The following PNMA8B variants were observed in gnomAD, a reference collection of about 807,000 sequenced individuals.
The protein encoded by PNMA8B is PNMA family member 8B.
For missense variants in PNMA8B, 887 were observed against 885.8 expected, an observed-to-expected ratio of 1.00 and a Z score of -0.02; for synonymous variants, 386 against 394.9, an observed-to-expected ratio of 0.98 and a Z score of 0.27.
rs1228096307 is a variant in PNMA8B at position 46,493,488 on chromosome 19, G to A, written c.*70C>T. 3.1e-6 allele frequency: 3 copies of A among 982,318 alleles called. No individual in the cohort carries two copies. Among genetic ancestry groups the A allele is most frequent in the Non-Finnish European group, 4.0e-6 (3 of 743,116 alleles). 60.9% of individuals were successfully genotyped at this position (982,318 alleles called of 1,614,324 possible). A position where few individuals can be genotyped will look rare whatever the true frequency, so the allele number is the denominator to read the frequency against. On this transcript the variant is annotated 3_prime_UTR_variant, in exon 1 of 1. Coordinates refer to ENST00000599531, the MANE Select transcript of PNMA8B (RefSeq NM_020709.3). This position sits in a 1 kb window ranked among gnomAD's most constrained non-coding sequence, Gnocchi z 5.3. ...GGAGGACAGGAAGAGGGGAGGGGAGGGCGGGGGCCACAGGCGGGCGGGTGC... is the reference window on the plus strand; with the variant it reads ...GGAGGACAGGAAGAGGGGAGGGGAGAGCGGGGGCCACAGGCGGGCGGGTGC...
At position 46,493,575 on chromosome 19, in the gene PNMA8B, G is replaced by A. The variant is rs1970037959; in HGVS notation, c.1891C>T (p.Pro631Ser). ...GKKARRGRRL[P>S]PKCR ...GGGGGCCACTAGCGGCATTTAGGGG[G>A]CAGCCTCCGGCCCCGACGGGCCTTC... The change falls in exon 1 of 1, where the codon CCC becomes TCC. Residue 631 changes from proline to serine, a missense_variant. By Grantham distance (74) the Pro-to-Ser change is moderately conservative. Coordinates refer to ENST00000599531, the MANE Select transcript of PNMA8B (RefSeq NM_020709.3). This position sits in a 1 kb window ranked among gnomAD's most constrained non-coding sequence, Gnocchi z 5.3. 1.4e-6 allele frequency: 2 copies of A among 1,444,376 alleles called. No homozygotes were observed. The highest frequency in any genetic ancestry group is 1.8e-6 in the Non-Finnish European group (2 of 1,106,892). 89.5% of individuals were successfully genotyped at this position (1,444,376 alleles called of 1,614,324 possible).
At position 46,494,610 on chromosome 19, in the gene PNMA8B, T is replaced by C; in HGVS notation, c.856A>G (p.Lys286Glu). ...GCCACTAAGTCGGGGACACCATTTTTGTCTTCTTTGGTGTTCAAGCGGATG... is the reference window on the plus strand; with the variant it reads ...GCCACTAAGTCGGGGACACCATTTTCGTCTTCTTTGGTGTTCAAGCGGATG... ...ESIRLNTKEDKNGVPDLVALL... is the reference protein window; with the variant it reads ...ESIRLNTKEDENGVPDLVALL... The change falls in exon 1 of 1, where the codon AAA (lysine) becomes GAA (glutamate). Residue 286 changes from lysine to glutamate, a missense_variant. Coordinates refer to ENST00000599531, the MANE Select transcript of PNMA8B (RefSeq NM_020709.3). 6.2e-7 allele frequency: 1 copy of C among 1,614,028 alleles called. No individual in the cohort carries two copies. The highest frequency in any genetic ancestry group is 1.1e-5 in the South Asian group (1 of 91,080).
chr19:46,494,783 TG>T lies in PNMA8B; in HGVS notation c.682del (p.Gln228ArgfsTer53). 1 of 1,613,780 alleles carries T rather than the reference TG, an allele frequency of 6.2e-7. No individual in the cohort carries two copies. The highest frequency in any genetic ancestry group is 8.5e-7 in the Non-Finnish European group (1 of 1,179,848). ...CCTAACCAGCTCCCTGGCAGCGGCCTGCAGCGTGGCGTACAGCGCGCTCTGG... is the reference window on the plus strand; with the variant it reads ...CCTAACCAGCTCCCTGGCAGCGGCCTCAGCGTGGCGTACAGCGCGCTCTGG... ...EDQSALYATL[Q>X]AAARELVRQW... On this transcript the variant is annotated frameshift_variant, in exon 1 of 1. Transcript: ENST00000599531. LOFTEE classifies it low-confidence loss of function (END_TRUNC).
At position 46,493,618 on chromosome 19, in the gene PNMA8B, G is replaced by A. The variant is rs372974181; in HGVS notation, c.1848C>T (p.Ser616=). The A allele has an allele frequency of 1.1e-5, 17 of 1,518,816 alleles. No individual in the cohort carries two copies. The highest frequency in any genetic ancestry group is 4.2e-5 in the Admixed American group (2 of 47,336). The allele number at this position is 1,518,816 out of a possible 1,614,324, so 94.1% of individuals were successfully genotyped here. A position where few individuals can be genotyped will look rare whatever the true frequency, so the allele number is the denominator to read the frequency against. Residue 616 remains serine, a synonymous_variant, in exon 1 of 1, where the codon TCC becomes TCT. Coordinates refer to ENST00000599531, the MANE Select transcript of PNMA8B (RefSeq NM_020709.3). The surrounding 1 kb of genome is among the most constrained non-coding windows in gnomAD (Gnocchi z 5.3). ...GEAKGQAPTG[S]KAARGKKARR... is the part of the protein sequence containing the mutation. ...GGGCCTTCTTCCCGCGCGCGGCCTT[G>A]GATCCAGTGGGCGCCTGGCCCTTGG... is the stretch of plus-strand genomic sequence containing the variant.
In PNMA8B at chr19:46,493,875, T is replaced by A; in HGVS notation, c.1591A>T (p.Arg531Trp). ...CGCGCCCTCTTGGCCCGGGGCTTCC[T>A]GGATGCCCTGTCCTCCGGCTCCGAC... ...EASEPEDRASRKPRAKRARTA... is the reference protein window; with the variant it reads ...EASEPEDRASWKPRAKRARTA... The change falls in exon 1 of 1, where the codon AGG becomes TGG. Residue 531 changes from arginine (R) to tryptophan (W), a missense_variant. Physicochemically the swap from Arg to Trp is moderately radical, Grantham distance 101. Coordinates refer to ENST00000599531, the MANE Select transcript of PNMA8B (RefSeq NM_020709.3). This position sits in a 1 kb window ranked among gnomAD's most constrained non-coding sequence, Gnocchi z 5.3. 6.5e-7 allele frequency: 1 copy of A among 1,535,658 alleles called. No homozygotes were observed. The highest frequency in any genetic ancestry group is 8.7e-7 in the Non-Finnish European group (1 of 1,144,286).
Position 46,495,042 on chromosome 19 carries a change from C to T in PNMA8B, c.424G>A (p.Glu142Lys). 2 of 1,610,688 alleles carry T rather than the reference C, an allele frequency of 1.2e-6. No individual in the cohort carries two copies. The highest frequency in any genetic ancestry group is 1.7e-6 in the Non-Finnish European group (2 of 1,179,822). The change falls in exon 1 of 1, where the codon GAG becomes AAG. Residue 142 changes from glutamate to lysine, a missense_variant. Physicochemically the swap from Glu to Lys is moderately conservative, Grantham distance 56 (BLOSUM62 1). Transcript: ENST00000599531. ...AGCGAGCCAGCCTGCCCTGTTACCT[C>T]CCCAGAATCCTGGGCCTGCGTCTCC... Reference protein sequence around the residue: ...ASETQAQDSGEVTGQAGSLLG... With the variant: ...ASETQAQDSGKVTGQAGSLLG...
rs1970064545 is a variant in PNMA8B, at chr19:46,494,705, A to G, written c.761T>C (p.Leu254Ser). The change falls in exon 1 of 1, where the codon TTG (leucine) becomes TCG (serine). Residue 254 changes from leucine (L) to serine (S), a missense_variant. Physicochemically the swap from Leu to Ser is moderately radical, Grantham distance 145. Transcript: ENST00000599531. ...EGEEDGPREF[L>S]ALVTVTDKSK... is the part of the protein sequence containing the mutation. The stretch of plus-strand genomic sequence containing the variant: ...TTTGTCGGTGACGGTGACCAGAGCC[A>G]AGAACTCGCGGGGACCGTCTTCTTC... The G allele has an allele frequency of 1.2e-6, 2 of 1,614,028 alleles. No individual in the cohort carries two copies. Among genetic ancestry groups the G allele is most frequent in the African/African-American group, 2.7e-5 (2 of 75,058 alleles).
chr19:46,493,583 C>T lies in PNMA8B; in HGVS notation c.1883G>A (p.Arg628Gln). The T allele has an allele frequency of 6.8e-7, 1 of 1,464,768 alleles. No individual in the cohort carries two copies. Among genetic ancestry groups the T allele is most frequent in the Non-Finnish European group, 8.9e-7 (1 of 1,117,668 alleles). 90.7% of individuals were successfully genotyped at this position (1,464,768 alleles called of 1,614,324 possible). ...AARGKKARRG[R>Q]RLPPKCR ...CTAGCGGCATTTAGGGGGCAGCCTCCGGCCCCGACGGGCCTTCTTCCCGCG... is the reference window on the plus strand; with the variant it reads ...CTAGCGGCATTTAGGGGGCAGCCTCTGGCCCCGACGGGCCTTCTTCCCGCG... Residue 628 changes from arginine (R) to glutamine (Q), a missense_variant, in exon 1 of 1, where the codon CGG becomes CAG. By Grantham distance (43) the Arg-to-Gln change is conservative. Coordinates refer to ENST00000599531, the MANE Select transcript of PNMA8B (RefSeq NM_020709.3). The surrounding 1 kb of genome is among the most constrained non-coding windows in gnomAD (Gnocchi z 5.3).
At position 46,495,589 on chromosome 19, in the gene PNMA8B, G is replaced by C; in HGVS notation, c.-124C>G. 3.0e-6 allele frequency: 4 copies of C among 1,316,528 alleles called. No individual in the cohort carries two copies. Among genetic ancestry groups the C allele is most frequent in the Non-Finnish European group, 4.1e-6 (4 of 979,514 alleles). 81.6% of individuals were successfully genotyped at this position (1,316,528 alleles called of 1,614,324 possible). The stretch of plus-strand genomic sequence containing the variant: ...CAGGGCTTAGAGTCCCGGTTCCGGT[G>C]AATGTGGCAAGGCTGGAGTGGGGCT... On this transcript the variant is annotated 5_prime_UTR_variant, in exon 1 of 1. Coordinates refer to ENST00000599531, the MANE Select transcript of PNMA8B (RefSeq NM_020709.3).
Position 46,493,894 on chromosome 19 carries a change from C to T in PNMA8B, c.1572G>A (p.Glu524=), listed in dbSNP as rs551063520. The T allele has an allele frequency of 6.1e-5, 95 of 1,562,352 alleles. 1 individual carries two copies. The South Asian group carries it at 1.0e-3, about 17-fold the overall frequency. The change falls in exon 1 of 1, where the codon GAG becomes GAA. Residue 524 remains glutamate, a synonymous_variant. Transcript: ENST00000599531. This position sits in a 1 kb window ranked among gnomAD's most constrained non-coding sequence, Gnocchi z 5.3. ...ESEDTESEAS[E]PEDRASRKPR... is the part of the protein sequence containing the mutation. ...GCTTCCTGGATGCCCTGTCCTCCGG[C>T]TCCGACGCCTCGCTCTCGGTGTCCT...
rs749375279 is a variant in PNMA8B, at chr19:46,494,041, C to T, written c.1425G>A (p.Gly475=). ...KEEKENAWEG[G]KYKYPKGKLG... ...GTTTGCCTTTGGGGTATTTGTACTT[C>T]CCGCCTTCCCAGGCGTTTTCTTTTT... Residue 475 remains glycine (G), a synonymous_variant, in exon 1 of 1, where the codon GGG becomes GGA. Transcript: ENST00000599531. 1.9e-6 allele frequency: 3 copies of T among 1,613,540 alleles called. No individual in the cohort carries two copies. Among genetic ancestry groups the T allele is most frequent in the Non-Finnish European group, 8.5e-7 (1 of 1,179,862 alleles).
In PNMA8B at chr19:46,495,298, A is replaced by C. The variant is rs777293618; in HGVS notation, c.168T>G (p.Ala56=). 1.4e-6 allele frequency: 2 copies of C among 1,418,542 alleles called. No homozygotes were observed. The highest frequency in any genetic ancestry group is 2.0e-6 in the Non-Finnish European group (2 of 1,001,190). 87.9% of individuals were successfully genotyped at this position (1,418,542 alleles called of 1,614,324 possible). A position where few individuals can be genotyped will look rare whatever the true frequency, so the allele number is the denominator to read the frequency against. Residue 56 remains alanine (A), a synonymous_variant, in exon 1 of 1, where the codon GCT becomes GCG. Coordinates refer to ENST00000599531, the MANE Select transcript of PNMA8B (RefSeq NM_020709.3). ...CGGCCTGGGCCTTCTCGTTCATCAA[A>C]GCCTTCATGTGTCGCAACCTGAACG... ...LGTFRLRHMK[A]LMNEKAQAAL...
chr19:46,494,508 C>T lies in PNMA8B; in HGVS notation c.958G>A (p.Gly320Arg), dbSNP rs376336196. The stretch of plus-strand genomic sequence containing the variant: ...TCCAACTCCTCTGTTTCTTGGTCCC[C>T]ACTTTCCTGCGAGTCGCTCTCCGAA... ...DTSESDSQES[G>R]DQETEELDNP... The change falls in exon 1 of 1, where the codon GGG (glycine) becomes AGG (arginine). Residue 320 changes from glycine (G) to arginine (R), a missense_variant. Coordinates refer to ENST00000599531, the MANE Select transcript of PNMA8B (RefSeq NM_020709.3). 15 of 1,613,944 alleles carry T rather than the reference C, an allele frequency of 9.3e-6. No homozygotes were observed. In the African/African-American group the frequency reaches 1.9e-4, roughly 20 times the overall value.
rs1292192552 is a variant in PNMA8B, at chr19:46,494,395, G to A, written c.1071C>T (p.Ile357=). 9 of 1,613,372 alleles carry A rather than the reference G, an allele frequency of 5.6e-6. No homozygotes were observed. The highest frequency in any genetic ancestry group is 5.5e-5 in the South Asian group (5 of 91,082). Residue 357 remains isoleucine, a synonymous_variant, in exon 1 of 1, where the codon ATC becomes ATT. Transcript: ENST00000599531. The stretch of plus-strand genomic sequence containing the variant: ...TCTCGTCGCTCCAGCCCAGCGACTC[G>A]ATAACAGAAGCGATTTTCAACATCT... ...REEMLKIASV[I]ESLGWSDEKD...
chr19:46,494,348 C>G lies in PNMA8B; in HGVS notation c.1118G>C (p.Arg373Pro). 1 of 1,613,208 alleles carries G rather than the reference C, an allele frequency of 6.2e-7. No individual in the cohort carries two copies. The highest frequency in any genetic ancestry group is 1.1e-5 in the South Asian group (1 of 91,080). The change falls in exon 1 of 1, where the codon CGA (arginine) becomes CCA (proline). Residue 373 changes from arginine (R) to proline (P), a missense_variant. Transcript: ENST00000599531. ...SDEKDKRDPL[R>P]QVLSVMSKDT... ...CTTGGACATGACGGACAAGACCTGT[C>G]GGAGGGGGTCTCGCTTGTCTTTCTC...
At position 46,495,531 on chromosome 19, in the gene PNMA8B, C is replaced by T; in HGVS notation, c.-66G>A. 1 of 1,518,724 alleles carries T rather than the reference C, an allele frequency of 6.6e-7. No individual in the cohort carries two copies. Among genetic ancestry groups the T allele is most frequent in the African/African-American group, 1.4e-5 (1 of 72,496 alleles). 94.1% of individuals were successfully genotyped at this position (1,518,724 alleles called of 1,614,324 possible). ...CCCGAGATAGGGGTGGGCTGCAGCG[C>T]ACGGTGTCAATGCAACCCTAGAAAG... On this transcript the variant is annotated 5_prime_UTR_variant, in exon 1 of 1. Transcript: ENST00000599531.
At position 46,495,325 on chromosome 19, in the gene PNMA8B, GC is replaced by G; in HGVS notation, c.140del (p.Gly47AlafsTer8). The G allele has an allele frequency of 7.7e-7, 1 of 1,307,188 alleles. No homozygotes were observed. The allele number at this position is 1,307,188 out of a possible 1,614,324, so 81.0% of individuals were successfully genotyped here. ...CCTTCATGTGTCGCAACCTGAACGT[GC>G]CCAGGGGCAGGAGGGTCGGCTGCAG... ...AVLQPTLLPL[G>X]TFRLRHMKAL... On this transcript the variant is annotated frameshift_variant, in exon 1 of 1. Coordinates refer to ENST00000599531, the MANE Select transcript of PNMA8B (RefSeq NM_020709.3). LOFTEE classifies it low-confidence loss of function (END_TRUNC).
At position 46,495,528 on chromosome 19, in the gene PNMA8B, G is replaced by A. The variant is rs2147487718; in HGVS notation, c.-63C>T. On this transcript the variant is annotated 5_prime_UTR_variant, in exon 1 of 1. Transcript: ENST00000599531. ...GAGCCCGAGATAGGGGTGGGCTGCA[G>A]CGCACGGTGTCAATGCAACCCTAGA... 2.0e-6 allele frequency: 3 copies of A among 1,524,538 alleles called. No individual in the cohort carries two copies. The highest frequency in any genetic ancestry group is 4.6e-5 in the East Asian group (2 of 43,398). The allele number at this position is 1,524,538 out of a possible 1,614,324, so 94.4% of individuals were successfully genotyped here.
chr19:46,493,595 G>A lies in PNMA8B; in HGVS notation c.1871C>T (p.Ala624Val). Residue 624 changes from alanine (A) to valine (V), a missense_variant, in exon 1 of 1, where the codon GCC becomes GTC. By Grantham distance (64) the Ala-to-Val change is moderately conservative. Transcript: ENST00000599531. This position sits in a 1 kb window ranked among gnomAD's most constrained non-coding sequence, Gnocchi z 5.3. Reference sequence around the variant, plus strand: ...AGGGGGCAGCCTCCGGCCCCGACGGGCCTTCTTCCCGCGCGCGGCCTTGGA... The same window carrying A: ...AGGGGGCAGCCTCCGGCCCCGACGGACCTTCTTCCCGCGCGCGGCCTTGGA... Reference protein sequence around the residue: ...TGSKAARGKKARRGRRLPPKC... With the variant: ...TGSKAARGKKVRRGRRLPPKC... 6.7e-7 allele frequency: 1 copy of A among 1,486,014 alleles called. No individual in the cohort carries two copies. The highest frequency in any genetic ancestry group is 8.9e-7 in the Non-Finnish European group (1 of 1,128,766). 92.1% of individuals were successfully genotyped at this position (1,486,014 alleles called of 1,614,324 possible). A position where few individuals can be genotyped will look rare whatever the true frequency, so the allele number is the denominator to read the frequency against.
Sources: gnomAD v4.1 joint callset for allele counts on GRCh38, gnomAD v4.1.1 for gene constraint, Gnocchi (gnomAD v3.1) non-coding constraint, MANE v1.5 for transcripts, NCBI Gene and HGNC (gene_info 2026-07-23, HGNC 2026-07-21) for gene names.